Variants in DMD observed in about 807,000 individuals in gnomAD.
DMD encodes the protein dystrophin, also known as mutant dystrophin.
Under a neutral mutation model 330.1 loss-of-function variants are expected in DMD, and 63 were observed. That is an observed-to-expected ratio of 0.19 (90% CI 0.16 to 0.24). The LOEUF (loss-of-function observed/expected upper bound fraction) is 0.24, where lower values mean the gene tolerates loss of function less well. Ranked by LOEUF, DMD falls within the 10% of genes least tolerant of loss-of-function variation. DMD has a pLI of 1.00. For synonymous variants in DMD, 1,223 were observed against 959.8 expected (o/e 1.27, Z -5.07); for missense variants, 3,344 against 2,684.1 (o/e 1.25, Z -5.43).
Position 32,463,497 on chromosome X carries a change from G to C in DMD, c.3374C>G (p.Ser1125Trp), listed in dbSNP as rs374744331. The C allele has an allele frequency of 1.2e-5, 15 of 1,204,920 alleles. No individual in the cohort carries two copies. The highest frequency in any genetic ancestry group is 8.9e-5 in the East Asian group (3 of 33,547). The change falls in exon 25 of 79, where the codon TCG becomes TGG. Residue 1125 changes from serine to tryptophan, a missense_variant. By Grantham distance (177) the Ser-to-Trp change is radical. Coordinates refer to ENST00000357033, the MANE Select transcript of DMD (RefSeq NM_004006.3). The stretch of plus-strand genomic sequence containing the variant: ...TTCTTTGAGTTCTGTCTCAAGTCTC[G>C]AAGCAAACTCTGGCTCTGCTTCATT... ...IKNEAEPEFASRLETELKELN... is the reference protein window; with the variant it reads ...IKNEAEPEFAWRLETELKELN...
intron 44 of DMD, among the ~76,000 whole-genome samples, chrX:32,164,521 T>C (rs1485624204): frequency 1.8e-5 from 2 of 111,597 alleles, no homozygotes; most frequent in Non-Finnish European, 3.8e-5. Flanking sequence ...TGATTTAAGG[T>C]ATCTGACAGA....
At chrX:32,302,320 G>A (rs1462108043) in intron 42 of DMD, among the ~76,000 whole-genome samples, 3 of 111,055 alleles carry the variant, frequency 2.7e-5, no homozygotes, top group Non-Finnish European at 5.7e-5. Context: ...ATGATATTTG[G>A]TGGGTTAAGT....
Position 32,784,893 on chromosome X carries a change from T to C in DMD, c.649+24600A>G, listed in dbSNP as rs202022698. On this transcript the variant is annotated intron_variant, in intron 7 of 78. Coordinates refer to ENST00000357033, the MANE Select transcript of DMD (RefSeq NM_004006.3). ...TTGTTTGTTGGCCTATATGCAATTTTCAATACCTTGGCAGACTGTATATCT... is the reference window on the plus strand; with the variant it reads ...TTGTTTGTTGGCCTATATGCAATTTCCAATACCTTGGCAGACTGTATATCT... 3.1e-4 allele frequency among the ~76,000 whole-genome samples: 35 copies of C among 111,628 alleles called. No homozygotes were observed. The East Asian group carries it at 9.8e-3, about 31-fold the overall frequency.
intron 57 of DMD, 140 bp from the exon 58 acceptor site, chrX:31,479,243 GA>G: frequency 1.4e-6 from 1 of 724,997 alleles, no homozygotes; most frequent in Non-Finnish European, 2.0e-6. Context: ...GTTATAAAAT[GA>G]TTTTTTTTAA....
chrX:31,190,322 G>A (rs760303394), intron 67 of DMD, among the ~76,000 whole-genome samples: 3 of 110,318 alleles, frequency 2.7e-5, no homozygotes, highest in South Asian at 8.0e-4. Flanking sequence ...GATGCTCAAC[G>A]CCAGAACTGG....
At chrX:32,674,630 AGGCATAT>A (rs2061850516) in intron 9 of DMD, among the ~76,000 whole-genome samples, 1 of 111,286 alleles carries the variant, frequency 9.0e-6, no homozygotes, top group Non-Finnish European at 1.9e-5. Context: ...TGTTCAGGCC[AGGCATAT>A]GATCTAAGAG....
intron 50 of DMD, among the ~76,000 whole-genome samples, chrX:31,804,101 G>A (rs1400335778): frequency 2.7e-5 from 3 of 111,045 alleles, no homozygotes; most frequent in South Asian, 3.8e-4. Flanking sequence ...GTTAACTCTG[G>A]CATCCATATT....
intron 7 of DMD, among the ~76,000 whole-genome samples, chrX:32,708,576 G>A (rs189705444): frequency 1.8e-5 from 2 of 111,755 alleles, no homozygotes; most frequent in East Asian, 2.8e-4. Flanking sequence ...GCACATAATT[G>A]TAATTCATAG....
intron 47 of DMD, among the ~76,000 whole-genome samples, chrX:31,876,241 C>T (rs755285656): frequency 1.5e-4 from 17 of 112,277 alleles, no homozygotes; most frequent in Middle Eastern, 4.6e-3. Flanking sequence ...TGGGTGATGA[C>T]GTTGGGGTTG....
At chrX:31,235,357 C>A (rs2047621432) in intron 63 of DMD, among the ~76,000 whole-genome samples, 1 of 112,173 alleles carries the variant, frequency 8.9e-6, no homozygotes, top group Admixed American at 9.4e-5. Context: ...ACAGTAATTT[C>A]TAAGCCCACA....
intron 44 of DMD, among the ~76,000 whole-genome samples, chrX:32,110,840 T>C (rs2096586235): frequency 8.9e-6 from 1 of 112,166 alleles, no homozygotes; most frequent in East Asian, 2.8e-4. Context: ...ATAAAATTGT[T>C]ATTACTTGTG....
intron 1 of DMD, among the ~76,000 whole-genome samples, chrX:33,073,885 C>A (rs1474138402): frequency 9.0e-6 from 1 of 110,618 alleles, no homozygotes; most frequent in Non-Finnish European, 1.9e-5. Context: ...ACAGCTAAGG[C>A]TAACAGTCAA....
At chrX:32,068,958 T>C (rs1009499609) in intron 44 of DMD, among the ~76,000 whole-genome samples, 3 of 111,681 alleles carry the variant, frequency 2.7e-5, no homozygotes, top group African/African-American at 9.7e-5. Context: ...GCAATCAATA[T>C]TGTTCAGAGA....
intron 55 of DMD, among the ~76,000 whole-genome samples, chrX:31,598,503 C>T (rs1423358999): frequency 9.0e-6 from 1 of 111,346 alleles, no homozygotes; most frequent in East Asian, 2.8e-4. Context: ...CTGAAGAGCA[C>T]AATGCTTTAC....
At chrX:33,014,104 C>G (rs1261431365) in intron 2 of DMD, among the ~76,000 whole-genome samples, 2 of 111,419 alleles carry the variant, frequency 1.8e-5, no homozygotes, top group African/African-American at 6.5e-5. Context: ...AGTTAAGATT[C>G]GGGGACAGTG....
chrX:31,624,284 C>T (rs1262615579), intron 55 of DMD, among the ~76,000 whole-genome samples: 3 of 111,494 alleles, frequency 2.7e-5, no homozygotes, highest in Non-Finnish European at 5.7e-5. Flanking sequence ...AGTACAAGGA[C>T]GACGGTAAAG....
chrX:33,179,671 G>T (rs1425600773), intron 1 of DMD, among the ~76,000 whole-genome samples: 5 of 104,950 alleles, frequency 4.8e-5, no homozygotes, highest in Non-Finnish European at 7.8e-5. Context: ...TCTAGCCTGG[G>T]TGACAGAGCG....
At chrX:33,021,996 G>C (rs2093922884) in intron 1 of DMD, among the ~76,000 whole-genome samples, 1 of 111,585 alleles carries the variant, frequency 9.0e-6, no homozygotes, top group Non-Finnish European at 1.9e-5. Context: ...CATTTCAAAT[G>C]GTCAAAATTA....
At chrX:32,825,202 G>A (rs1006389970) in intron 4 of DMD, among the ~76,000 whole-genome samples, 4 of 111,768 alleles carry the variant, frequency 3.6e-5, no homozygotes, top group Non-Finnish European at 7.5e-5. Context: ...CATACTGCGG[G>A]AAGCACTGCT....
Sources: gnomAD v4.1 joint callset for allele counts (sites outside exome capture counted in the v4.1 genomes callset) on GRCh38, gnomAD v4.1.1 for gene constraint, MANE v1.5 for transcripts, NCBI Gene and HGNC (gene_info 2026-07-23, HGNC 2026-07-21) for gene names.